PIBF1: variants seen among roughly 807,000 people sequenced by gnomAD.
PIBF1 encodes the protein progesterone immunomodulatory binding factor 1.
In PIBF1, 90 loss-of-function variants were observed where a neutral mutation model predicts 112.5. The observed-to-expected ratio is 0.80, with a 90% CI of 0.67 to 0.95. The LOEUF (loss-of-function observed/expected upper bound fraction) is 0.95. Among genes scored for constraint, PIBF1 ranks in the 40% least tolerant of loss-of-function variants. The pLI, the probability that PIBF1 is intolerant of heterozygous loss-of-function variation, is 0.00. For synonymous variants in PIBF1, 301 were observed against 288.6 expected (o/e 1.04, Z -0.44); for missense variants, 915 against 852.3 (o/e 1.07, Z -0.92).
At chr13:72,857,568 G>A (rs2038480375) in intron 10 of PIBF1, among the ~76,000 whole-genome samples, 1 of 152,208 alleles carries the variant, frequency 6.6e-6, no homozygotes, top group Non-Finnish European at 1.5e-5. Flanking sequence ...GCTGGACATG[G>A]TGGCTCATGC....
intron 5 of PIBF1, among the ~76,000 whole-genome samples, chr13:72,804,879 C>T (rs2035646734): frequency 6.6e-6 from 1 of 152,158 alleles, no homozygotes; most frequent in Non-Finnish European, 1.5e-5. Flanking sequence ...GGAAGTGTTA[C>T]TTTGTTCAAT....
At chr13:73,001,470 G>T (rs2043862915) in intron 17 of PIBF1, among the ~76,000 whole-genome samples, 1 of 151,754 alleles carries the variant, frequency 6.6e-6, no homozygotes, top group Non-Finnish European at 1.5e-5. Flanking sequence ...GTGGATGGAT[G>T]AGCGTTTCCA....
intron 3 of PIBF1, among the ~76,000 whole-genome samples, chr13:72,793,285 A>G (rs990342205): frequency 5.3e-5 from 8 of 152,366 alleles, no homozygotes; most frequent in Middle Eastern, 3.4e-3. Flanking sequence ...GTAAAAGTGT[A>G]AAACAGGTAA....
At chr13:72,877,323 G>T (rs1287526662) in intron 10 of PIBF1, among the ~76,000 whole-genome samples, 1 of 152,184 alleles carries the variant, frequency 6.6e-6, no homozygotes, top group Non-Finnish European at 1.5e-5. Context: ...ATTAATGAGA[G>T]ATGTTGGTCT....
At chr13:72,844,765 ACACACACACAC>A (rs2037779197) in intron 9 of PIBF1, among the ~76,000 whole-genome samples, 5 of 106,328 alleles carry the variant, frequency 4.7e-5, no homozygotes, top group African/African-American at 1.7e-4. Flanking sequence ...ACACACACAC[ACACACACACAC>A]ACACACACAC....
intron 9 of PIBF1, among the ~76,000 whole-genome samples, chr13:72,843,490 C>A (rs185544754): frequency 1.9e-4 from 29 of 152,330 alleles, no homozygotes; most frequent in East Asian, 3.9e-4. Flanking sequence ...TGGCTCACTG[C>A]AACCTCTGCC....
chr13:72,786,932 C>T (rs1178301885), intron 2 of PIBF1, among the ~76,000 whole-genome samples: 1 of 152,208 alleles, frequency 6.6e-6, no homozygotes, highest in Non-Finnish European at 1.5e-5. Flanking sequence ...TCATTACATA[C>T]ATTGCTAAGG....
intron 2 of PIBF1, among the ~76,000 whole-genome samples, chr13:72,790,517 A>AGATAGAT (rs2034862746): frequency 7.8e-5 from 4 of 51,482 alleles, no homozygotes; most frequent in Admixed American, 3.2e-4. Context: ...ACACATAGAT[A>AGATAGAT]GATAGATAGA....
At chr13:72,927,994 C>CACATATATATATACATATATAT (rs2041563898) in intron 13 of PIBF1, among the ~76,000 whole-genome samples, 2 of 79,950 alleles carry the variant, frequency 2.5e-5, no homozygotes, top group Non-Finnish European at 4.5e-5. Flanking sequence ...TATATACACA[C>CACATATATATATACATATATAT]ACATATATAT....
intron 9 of PIBF1, 123 bp downstream of exon 9, chr13:72,835,491 T>C: frequency 3.0e-6 from 2 of 659,984 alleles, no homozygotes; most frequent in Middle Eastern, 4.6e-4. Flanking sequence ...AAACTTGTCA[T>C]AAATTGAAAT....
chr13:72,782,636 A>G (rs1427175729), intron 1 of PIBF1, among the ~76,000 whole-genome samples: 1 of 152,220 alleles, frequency 6.6e-6, no homozygotes, highest in Non-Finnish European at 1.5e-5. Flanking sequence ...AATTTGTTAT[A>G]TCATGAGGTA....
chr13:72,895,331 A>G (rs1223367261), intron 11 of PIBF1, among the ~76,000 whole-genome samples: 1 of 149,318 alleles, frequency 6.7e-6, no homozygotes. Context: ...TATTTAAAAT[A>G]ATATATATAA....
At chr13:72,931,718 G>GTGTATATATATATA (rs1555317840) in intron 14 of PIBF1, among the ~76,000 whole-genome samples, 2 of 101,978 alleles carry the variant, frequency 2.0e-5, no homozygotes, top group Non-Finnish European at 3.9e-5. Flanking sequence ...TTTAAACTAC[G>GTGTATATATATATA]TATATATATA....
At chr13:72,931,717 C>CTTATATATATATAT (rs1414425546) in intron 14 of PIBF1, among the ~76,000 whole-genome samples, 2 of 24,422 alleles carry the variant, frequency 8.2e-5, no homozygotes, top group African/African-American at 1.2e-4. Context: ...ATTTAAACTA[C>CTTATATATATATAT]GTATATATAT....
chr13:72,819,099 T>C (rs560647710), intron 5 of PIBF1, among the ~76,000 whole-genome samples: 2 of 152,134 alleles, frequency 1.3e-5, no homozygotes, highest in African/African-American at 4.8e-5. Flanking sequence ...GTGTTTATAA[T>C]GGAAAGAGTC....
In PIBF1 at chr13:72,992,007, C is replaced by T. The variant is rs544569536; in HGVS notation, c.2050-6815C>T. On this transcript the variant is annotated intron_variant, in intron 16 of 17. Transcript: ENST00000326291. ...TGCTGGGATTACAGGCGTCAGCCAC[C>T]GTGCCCAGCCCCCGTCTCAATTTTT... 7.4e-3 allele frequency among the ~76,000 whole-genome samples: 1,133 copies of T among 152,272 alleles called. 11 individuals are homozygous for T. The highest frequency in any genetic ancestry group is 0.026 in the African/African-American group (1,061 of 41,558).
intron 17 of PIBF1, among the ~76,000 whole-genome samples, chr13:73,000,064 G>T (rs1360458614): frequency 6.6e-6 from 1 of 152,122 alleles, no homozygotes; most frequent in East Asian, 1.9e-4. Flanking sequence ...AATAAAATAA[G>T]GGACAATTAT....
intron 10 of PIBF1, among the ~76,000 whole-genome samples, chr13:72,889,054 A>G (rs1035252400): frequency 2.0e-5 from 3 of 152,128 alleles, no homozygotes; most frequent in Non-Finnish European, 4.4e-5. Flanking sequence ...ACAAAAAAAA[A>G]AGAAAAGAAG....
At chr13:72,899,240 TAGAGAA>T (rs1395017129) in intron 11 of PIBF1, among the ~76,000 whole-genome samples, 1 of 152,044 alleles carries the variant, frequency 6.6e-6, no homozygotes, top group African/African-American at 2.4e-5. Context: ...TTTCACAAGA[TAGAGAA>T]AGAAGGAACC....
Sources: allele counts gnomAD v4.1 joint callset (sites outside exome capture counted in the v4.1 genomes callset), GRCh38; gene constraint gnomAD v4.1.1; transcripts MANE v1.5; gene names NCBI Gene and HGNC (gene_info 2026-07-23, HGNC 2026-07-21).